The following CTDP1 variants were observed in gnomAD, a reference collection of about 807,000 sequenced individuals.
CTDP1 encodes RNA polymerase II subunit A C-terminal domain phosphatase.
A neutral mutation model predicts 91.8 loss-of-function variants in CTDP1; 47 were observed. The ratio of observed to expected loss-of-function variants is 0.51; its 90% CI spans 0.41 to 0.65. The LOEUF is 0.65. Among genes scored for constraint, CTDP1 ranks in the 30% least tolerant of loss-of-function variants. The pLI, the probability that CTDP1 is intolerant of heterozygous loss-of-function variation, is 0.00. For missense variants in CTDP1, 1,272 were observed against 1,373.7 expected (o/e 0.93, Z 1.17); for synonymous variants, 656 against 598.5 (o/e 1.10, Z -1.40).
chr18:79,680,210 C>T lies in CTDP1; in HGVS notation c.263C>T (p.Ala88Val). 2 of 1,374,204 alleles carry T rather than the reference C, an allele frequency of 1.5e-6. No homozygotes were observed. Among genetic ancestry groups the T allele is most frequent in the Non-Finnish European group, 1.9e-6 (2 of 1,070,404 alleles). 85.1% of individuals were successfully genotyped at this position (1,374,204 alleles called of 1,614,324 possible). The change falls in exon 1 of 13, where the codon GCG (alanine) becomes GTG (valine). Residue 88 changes from alanine (A) to valine (V), a missense_variant. Around this residue, in one of 3 missense-constraint regions of CTDP1, gnomAD observed 214 missense variants for 179.1 expected, o/e 1.19. Transcript: ENST00000613122. ...RPERRLRSER[A>V]GVVRELCAQP... The stretch of plus-strand genomic sequence containing the variant: ...GAACGCAGGCTGAGGTCGGAGCGCG[C>T]GGGCGTGGTGCGGGAGCTGTGCGCG...
rs576121299 is a variant in CTDP1, at chr18:79,749,395, C to CT, written c.2748-4257_2748-4256insT. Among the ~76,000 whole-genome samples, 21 of 152,084 alleles carry CT rather than the reference C, an allele frequency of 1.4e-4. No homozygotes were observed. In the South Asian group the frequency reaches 3.9e-3, roughly 29 times the overall value. On this transcript the variant is annotated intron_variant, in intron 12 of 12. Transcript: ENST00000613122. ...AGCGTCGCTGTGAGGGAGTCAACCA[C>CT]ACCTGCCAGCACCCCCGAGTCTGGC...
chr18:79,711,466 G>A (rs2122603982), intron 6 of CTDP1, among the ~76,000 whole-genome samples: 2 of 152,278 alleles, frequency 1.3e-5, no homozygotes, highest in Admixed American at 1.3e-4. Flanking sequence ...ACCCAGGAGG[G>A]CAGGCGTAGG....
intron 12 of CTDP1, among the ~76,000 whole-genome samples, chr18:79,750,259 C>T (rs1303867655): frequency 6.6e-6 from 1 of 151,530 alleles, no homozygotes; most frequent in Non-Finnish European, 1.5e-5. Flanking sequence ...GGCCCAGGCT[C>T]ACTGCAGCCT....
At chr18:79,729,462 T>C (rs77427677) in intron 11 of CTDP1, among the ~76,000 whole-genome samples, 36,656 of 152,164 alleles carry the variant, frequency 0.24, 4,678 homozygotes, top group African/African-American at 0.31. Context: ...ACCCCCTGCC[T>C]GACGCCGACC....
chr18:79,719,174 C>T (rs932019286), intron 10 of CTDP1, among the ~76,000 whole-genome samples: 10 of 152,316 alleles, frequency 6.6e-5, no homozygotes, highest in African/African-American at 2.4e-4. Context: ...CTAGTTCCTC[C>T]CCGGTTTTCT....
At position 79,712,907 on chromosome 18, in the gene CTDP1, T is replaced by C. The variant is rs2086112364; in HGVS notation, c.864-65T>C. On this transcript the variant is annotated intron_variant, in intron 6 of 12. Coordinates refer to ENST00000613122, the MANE Select transcript of CTDP1 (RefSeq NM_004715.5). ...GATTAGAATCTTAAACTGTTACGCT[T>C]GGCAAGATGAATGACTACAACTTTT... 4 of 1,554,168 alleles carry C rather than the reference T, an allele frequency of 2.6e-6. No homozygotes were observed. In the South Asian group the frequency reaches 4.5e-5, roughly 17 times the overall value.
rs770717910 is a variant in CTDP1 at position 79,714,916 on chromosome 18, A to G, written c.1456A>G (p.Lys486Glu). 7 of 1,566,840 alleles carry G rather than the reference A, an allele frequency of 4.5e-6. No homozygotes were observed. The East Asian group carries it at 7.0e-5, about 16-fold the overall frequency. Residue 486 changes from lysine to glutamate, a missense_variant, in exon 8 of 13, where the codon AAG (lysine) becomes GAG (glutamate). Lys to Glu is a moderately conservative substitution (Grantham distance 56, BLOSUM62 1). Around this residue, in one of 3 missense-constraint regions of CTDP1, gnomAD observed 881 missense variants for 911.6 expected, o/e 0.97. Coordinates refer to ENST00000613122, the MANE Select transcript of CTDP1 (RefSeq NM_004715.5). ...GESEGKRGRQ[K>E]PKAAPEGAGA... ...AAGCGAGGGGAAAAGAGGCCGGCAG[A>G]AGCCGAAGGCTGCCCCAGAGGGAGC...
chr18:79,707,095 A>G (rs1020078604), intron 5 of CTDP1, among the ~76,000 whole-genome samples: 2 of 152,232 alleles, frequency 1.3e-5, no homozygotes, highest in African/African-American at 4.8e-5. Flanking sequence ...AGAGCACACA[A>G]GCCCCAGTGA....
downstream of CTDP1, chr18:79,755,533 A>C (rs1384528564): frequency 6.6e-6 from 1 of 152,544 alleles, no homozygotes; most frequent in Non-Finnish European, 1.5e-5. Context: ...GCAGGGAGTA[A>C]TGTGCCGGGG....
chr18:79,698,021 C>T, intron 4 of CTDP1, 33 bp downstream of exon 4: 2 of 1,613,702 alleles, frequency 1.2e-6, no homozygotes, highest in Non-Finnish European at 1.7e-6. Context: ...GACAGTTTCC[C>T]AGGAACCGCG....
At chr18:79,727,611 T>C (rs1376597181) in intron 10 of CTDP1, among the ~76,000 whole-genome samples, 1 of 152,264 alleles carries the variant, frequency 6.6e-6, no homozygotes, top group Non-Finnish European at 1.5e-5. Flanking sequence ...ATCAGCACTT[T>C]CAGATTTCTG....
chr18:79,711,029 T>C (rs921002437), intron 6 of CTDP1, among the ~76,000 whole-genome samples: 3 of 152,108 alleles, frequency 2.0e-5, no homozygotes, highest in African/African-American at 7.2e-5. Flanking sequence ...CCAATAGCCC[T>C]GTCCTGCCCT....
chr18:79,695,217 T>C lies in CTDP1; in HGVS notation c.315-8T>C. The C allele has an allele frequency of 6.2e-7, 1 of 1,614,080 alleles. No individual in the cohort carries two copies. The highest frequency in any genetic ancestry group is 8.5e-7 in the Non-Finnish European group (1 of 1,179,918). On this transcript the variant is annotated splice_region_variant and splice_polypyrimidine_tract_variant and intron_variant, in intron 1 of 12. Transcript: ENST00000613122. ...TTAAAGTGTTGTTCCCCTTGTGTTT[T>C]TTTGTAGAGCGGTTCTGGTGAGGTT... is the stretch of plus-strand genomic sequence containing the variant.
At chr18:79,730,739 G>A (rs1050764222) in intron 11 of CTDP1, among the ~76,000 whole-genome samples, 2 of 152,200 alleles carry the variant, frequency 1.3e-5, no homozygotes. Context: ...CCTGCAGGCA[G>A]GAGAAGGGGT....
intron 4 of CTDP1, 73 bp from the exon 5 acceptor site, chr18:79,704,694 G>C: frequency 1.3e-6 from 2 of 1,585,898 alleles, no homozygotes; most frequent in African/African-American, 2.7e-5. Context: ...TGCCTGTCTC[G>C]GGCACACAGG....
chr18:79,735,965 C>T (rs887306912), intron 11 of CTDP1: 4 of 230,548 alleles, frequency 1.7e-5, no homozygotes, highest in African/African-American at 4.5e-5. Context: ...AGGACTGGGA[C>T]GCCTCCCTGA....
At chr18:79,751,716 A>G (rs368619238) in intron 12 of CTDP1, among the ~76,000 whole-genome samples, 20 of 152,172 alleles carry the variant, frequency 1.3e-4, no homozygotes, top group Non-Finnish European at 2.9e-4. Context: ...CAGGTGTATC[A>G]CATTACCGTG....
At chr18:79,710,593 T>G (rs2086060502) in intron 6 of CTDP1, among the ~76,000 whole-genome samples, 157 bp downstream of exon 6, 1 of 151,674 alleles carries the variant, frequency 6.6e-6, no homozygotes, top group Non-Finnish European at 1.5e-5. Flanking sequence ...CGATCTCGGC[T>G]CACTGCAAGC....
chr18:79,722,730 G>A (rs1036633281), intron 10 of CTDP1, among the ~76,000 whole-genome samples: 5 of 152,150 alleles, frequency 3.3e-5, no homozygotes, highest in African/African-American at 9.7e-5. Context: ...TTGATGAAAC[G>A]ACCTACTTAC....
Sources: allele counts gnomAD v4.1 joint callset (sites outside exome capture counted in the v4.1 genomes callset), GRCh38; gene constraint gnomAD v4.1.1; regional missense constraint gnomAD v4.1.1; transcripts MANE v1.5; gene names NCBI Gene and HGNC (gene_info 2026-07-23, HGNC 2026-07-21).